The following KLF12 variants were observed in gnomAD, a reference collection of about 807,000 sequenced individuals.
The protein encoded by KLF12 is Krueppel-like factor 12.
A neutral mutation model predicts 37.8 loss-of-function variants in KLF12; 9 were observed. The ratio of observed to expected loss-of-function variants is 0.24; its 90% CI spans 0.14 to 0.42. KLF12 has a LOEUF of 0.42. Ranked by LOEUF, KLF12 falls within the 10% of genes least tolerant of loss-of-function variation. The pLI, the probability that KLF12 is intolerant of heterozygous loss-of-function variation, is 1.00. For synonymous variants in KLF12, 208 were observed against 202.1 expected (o/e 1.03, Z -0.25); for missense variants, 411 against 516.0 (o/e 0.80, Z 1.97).
intron 6 of KLF12, among the ~76,000 whole-genome samples, chr13:73,745,909 T>C (rs1878328282): frequency 6.6e-6 from 1 of 152,184 alleles, no homozygotes; most frequent in Non-Finnish European, 1.5e-5. Flanking sequence ...TCAAGGATCG[T>C]AATGTCCTGC....
Position 73,831,028 on chromosome 13 carries a change from A to ACACACG in KLF12, c.670+14798_670+14799insCGTGTG, listed in dbSNP as rs34914331. ...CACACACACACACACACACACACGCATACTTATTTTACATACAGAATAGAT... is the reference window on the plus strand; with the variant it reads ...CACACACACACACACACACACACGCACACACGTACTTATTTTACATACAGAATAGAT... On this transcript the variant is annotated intron_variant, in intron 4 of 7. Transcript: ENST00000377669. Among the ~76,000 whole-genome samples, 1,404 of 148,168 alleles carry ACACACG rather than the reference A, an allele frequency of 9.5e-3. 16 individuals carry two copies. Among genetic ancestry groups the ACACACG allele is most frequent in the African/African-American group, 0.024 (957 of 39,778 alleles).
chr13:74,196,956 G>A, the KLF12 span, among the ~76,000 whole-genome samples: 2 of 152,048 alleles, frequency 1.3e-5, no homozygotes, highest in African/African-American at 4.8e-5. Context: ...TAGAAGTCTG[G>A]GAAAGGTAAG....
At chr13:73,714,541 C>G (rs12583710) in intron 7 of KLF12, among the ~76,000 whole-genome samples, 1 of 152,138 alleles carries the variant, frequency 6.6e-6, no homozygotes, top group Non-Finnish European at 1.5e-5. Flanking sequence ...CCTGCTCTAT[C>G]GGCTTCTTTG....
At chr13:74,115,001 T>C (rs940153977) in intron 1 of KLF12, among the ~76,000 whole-genome samples, 5 of 151,924 alleles carry the variant, frequency 3.3e-5, no homozygotes, top group Admixed American at 1.3e-4. Flanking sequence ...TGCCTGACGA[T>C]CTAAGGTAGA....
chr13:74,125,121 A>C (rs1877859353), intron 1 of KLF12, among the ~76,000 whole-genome samples: 1 of 147,316 alleles, frequency 6.8e-6, no homozygotes, highest in Non-Finnish European at 1.5e-5. Flanking sequence ...CTCCGGCCTG[A>C]GCAACAGAGC....
intron 2 of KLF12, among the ~76,000 whole-genome samples, chr13:73,946,431 G>A (rs1890425823): frequency 6.6e-6 from 1 of 152,100 alleles, no homozygotes; most frequent in Non-Finnish European, 1.5e-5. Context: ...GTTAAAAACT[G>A]ATAAATCATA....
At chr13:73,972,286 A>T (rs538976547) in intron 2 of KLF12, among the ~76,000 whole-genome samples, 1 of 152,254 alleles carries the variant, frequency 6.6e-6, no homozygotes, top group African/African-American at 2.4e-5. Context: ...AACTTTCCCC[A>T]TTATCCTAAT....
In KLF12 at chr13:73,693,030, A is replaced by G. The variant is rs910998098; in HGVS notation, c.*2460T>C. 6.6e-6 allele frequency: 1 copy of G among 152,190 alleles called. No individual in the cohort carries two copies. The highest frequency in any genetic ancestry group is 6.5e-5 in the Admixed American group (1 of 15,278). 9.4% of individuals were successfully genotyped at this position (152,190 alleles called of 1,614,324 possible). A position where few individuals can be genotyped will look rare whatever the true frequency, so the allele number is the denominator to read the frequency against. ...TCAGTTTTATGAATTCTAAAAACCAAGTCTACCTGTAATACTCTCAAGACA... is the reference window on the plus strand; with the variant it reads ...TCAGTTTTATGAATTCTAAAAACCAGGTCTACCTGTAATACTCTCAAGACA... On this transcript the variant is annotated 3_prime_UTR_variant, in exon 8 of 8. Transcript: ENST00000377669.
intron 1 of KLF12, among the ~76,000 whole-genome samples, chr13:74,024,734 C>T (rs937656544): frequency 1.3e-5 from 2 of 152,052 alleles, no homozygotes; most frequent in African/African-American, 4.8e-5. Flanking sequence ...TTGTGGAAGC[C>T]ACATTTTGTT....
At chr13:73,968,059 G>C (rs1258482050) in intron 2 of KLF12, among the ~76,000 whole-genome samples, 1 of 152,172 alleles carries the variant, frequency 6.6e-6, no homozygotes, top group Non-Finnish European at 1.5e-5. Context: ...TGAACTTAGA[G>C]TGAAGTCAAT....
At chr13:74,275,854 C>CTTTCTTTCTTTCTT in the KLF12 span, among the ~76,000 whole-genome samples, 3 of 114,906 alleles carry the variant, frequency 2.6e-5, no homozygotes, top group African/African-American at 1.1e-4. Flanking sequence ...TTCTTTCTTT[C>CTTTCTTTCTTTCTT]TTTCTTTCTT....
chr13:73,739,558 A>G (rs970033767), intron 6 of KLF12, among the ~76,000 whole-genome samples: 1 of 152,184 alleles, frequency 6.6e-6, no homozygotes, highest in Non-Finnish European at 1.5e-5. Context: ...TTATATCTCC[A>G]TAAAGGTTGG....
chr13:73,927,745 A>ATT (rs34515464), intron 3 of KLF12, among the ~76,000 whole-genome samples: 16 of 136,008 alleles, frequency 1.2e-4, no homozygotes, highest in African/African-American at 4.1e-4. Flanking sequence ...ACCCGGCTAA[A>ATT]TTTTTTTTTT....
In KLF12 at chr13:73,917,599, C is replaced by T. The variant is rs140649595; in HGVS notation, c.123+26382G>A. Among the ~76,000 whole-genome samples, 316 of 152,334 alleles carry T rather than the reference C, an allele frequency of 2.1e-3. 2 individuals carry two copies. Among genetic ancestry groups the T allele is most frequent in the Admixed American group, 4.2e-3 (64 of 15,298 alleles). On this transcript the variant is annotated intron_variant, in intron 3 of 7. Coordinates refer to ENST00000377669, the MANE Select transcript of KLF12 (RefSeq NM_007249.5). The stretch of plus-strand genomic sequence containing the variant: ...TTAACACCCTGACTGGCAGATCATT[C>T]TTAAGACTCAGTTTCTTCAAGGAAG...
At chr13:74,271,106 A>G in the KLF12 span, among the ~76,000 whole-genome samples, 3 of 152,138 alleles carry the variant, frequency 2.0e-5, no homozygotes, top group African/African-American at 7.2e-5. Flanking sequence ...TGTGAGCTGC[A>G]CATGTGAAAA....
At chr13:73,859,627 C>T (rs1232953715) in intron 3 of KLF12, among the ~76,000 whole-genome samples, 1 of 152,296 alleles carries the variant, frequency 6.6e-6, no homozygotes, top group East Asian at 1.9e-4. Context: ...ATGCAGATGT[C>T]AGTTACCAAC....
At chr13:74,168,420 G>A in the KLF12 span, among the ~76,000 whole-genome samples, 8 of 152,132 alleles carry the variant, frequency 5.3e-5, no homozygotes, top group African/African-American at 1.7e-4. Context: ...GTTTACTTGC[G>A]TGTGCCTAAC....
At chr13:74,117,641 T>C (rs1877384920) in intron 1 of KLF12, among the ~76,000 whole-genome samples, 2 of 152,152 alleles carry the variant, frequency 1.3e-5, no homozygotes, top group African/African-American at 4.8e-5. Flanking sequence ...AACCAAGTAA[T>C]TAAGGTTAAG....
intron 3 of KLF12, among the ~76,000 whole-genome samples, chr13:73,850,753 T>C (rs1294819512): frequency 6.6e-6 from 1 of 152,246 alleles, no homozygotes; most frequent in Non-Finnish European, 1.5e-5. Flanking sequence ...CCCAGCTATC[T>C]ATCTATCCTT....
Sources: gnomAD v4.1 joint callset for allele counts (sites outside exome capture counted in the v4.1 genomes callset) on GRCh38, gnomAD v4.1.1 for gene constraint, MANE v1.5 for transcripts, NCBI Gene and HGNC (gene_info 2026-07-23, HGNC 2026-07-21) for gene names.